Variants in HARS2 observed in about 807,000 individuals in gnomAD.
HARS2 encodes histidyl-tRNA synthetase 2, mitochondrial.
A neutral mutation model predicts 62.4 loss-of-function variants in HARS2; 40 were observed. The observed-to-expected ratio is 0.64, with a 90% CI of 0.50 to 0.83. HARS2 has a LOEUF of 0.83. HARS2 is among the 40% of genes least tolerant of loss of function. The pLI, the probability that HARS2 is intolerant of heterozygous loss-of-function variation, is 0.00. For missense variants in HARS2, 569 were observed against 626.4 expected, an observed-to-expected ratio of 0.91 and a Z score of 0.98; for synonymous variants, 228 against 227.0, an observed-to-expected ratio of 1.00 and a Z score of -0.04.
Position 140,697,560 on chromosome 5 carries a change from T to C in HARS2, c.1198-9T>C. ...TTTTTATTAGTTTTACTTTCTTCTC[T>C]CTTATTAGACCAAAGGTGAGAAGGT... On this transcript the variant is annotated splice_polypyrimidine_tract_variant and intron_variant, in intron 10 of 12. Coordinates refer to ENST00000230771, the MANE Select transcript of HARS2 (RefSeq NM_012208.4). The C allele has an allele frequency of 6.2e-7, 1 of 1,607,536 alleles. No individual in the cohort carries two copies. Among genetic ancestry groups the C allele is most frequent in the Non-Finnish European group, 8.5e-7 (1 of 1,173,972 alleles).
At position 140,697,959 on chromosome 5, in the gene HARS2, A is replaced by G; in HGVS notation, c.1342A>G (p.Lys448Glu). ...AGAGATGCTATACAAGAACAACCCC[A>G]AACTATTAACCCAGCTGCACTATTG... ...KAEMLYKNNP[K>E]LLTQLHYCES... Residue 448 changes from lysine (K) to glutamate (E), a missense_variant, in exon 12 of 13, where the codon AAA becomes GAA. By Grantham distance (56) the Lys-to-Glu change is moderately conservative (BLOSUM62 1). Coordinates refer to ENST00000230771, the MANE Select transcript of HARS2 (RefSeq NM_012208.4). 6.2e-7 allele frequency: 1 copy of G among 1,614,054 alleles called. No homozygotes were observed. The highest frequency in any genetic ancestry group is 1.3e-5 in the African/African-American group (1 of 75,052).
chr5:140,698,136 G>A, intron 12 of HARS2, 58 bp downstream of exon 12: 1 of 1,504,062 alleles, frequency 6.6e-7, no homozygotes. Context: ...CCCAGATTCT[G>A]TAAGAAATAT....
chr5:140,694,343 A>C lies in HARS2; in HGVS notation c.399+63A>C, dbSNP rs1052487955. On this transcript the variant is annotated intron_variant, in intron 4 of 12. Transcript: ENST00000230771. ...CCAAATCCAGCGGGCTTTCTCTGACAAAAGTGGAGAACGTGACTTTGGGAT... is the reference window on the plus strand; with the variant it reads ...CCAAATCCAGCGGGCTTTCTCTGACCAAAGTGGAGAACGTGACTTTGGGAT... The C allele has an allele frequency of 2.7e-6, 3 of 1,105,670 alleles. No individual in the cohort carries two copies. The Admixed American group carries it at 5.1e-5, about 19-fold the overall frequency. The allele number at this position is 1,105,670 out of a possible 1,614,324, so 68.5% of individuals were successfully genotyped here.
chr5:140,696,906 C>T, intron 8 of HARS2, 37 bp from the exon 9 acceptor site: 1 of 1,573,688 alleles, frequency 6.4e-7, no homozygotes. Context: ...GAATGAAACA[C>T]ATGTGAGTGA....
rs1369074777 is a variant in HARS2, at chr5:140,691,503, C to T, written c.-146C>T. On this transcript the variant is annotated 5_prime_UTR_variant, in exon 1 of 13. Coordinates refer to ENST00000230771, the MANE Select transcript of HARS2 (RefSeq NM_012208.4). ...CTTGGGAGGATCCCACCTCAGCCTT[C>T]GTGACTAGTGAGGTGCGCAAACGCC... is the stretch of plus-strand genomic sequence containing the variant. 2 of 735,520 alleles carry T rather than the reference C, an allele frequency of 2.7e-6. No homozygotes were observed. The highest frequency in any genetic ancestry group is 3.7e-4 in the Middle Eastern group (1 of 2,736). 45.6% of individuals were successfully genotyped at this position (735,520 alleles called of 1,614,324 possible).
At chr5:140,692,645 C>A in intron 1 of HARS2, among the ~76,000 whole-genome samples, 1 of 152,178 alleles carries the variant, frequency 6.6e-6, no homozygotes, top group East Asian at 1.9e-4. Flanking sequence ...GTAATCCCAT[C>A]ACTTTGGGAG....
Position 140,691,477 on chromosome 5 carries a change from A to G in HARS2, c.-172A>G. 1 of 711,646 alleles carries G rather than the reference A, an allele frequency of 1.4e-6. No individual in the cohort carries two copies. The highest frequency in any genetic ancestry group is 1.8e-5 in the African/African-American group (1 of 57,050). The allele number at this position is 711,646 out of a possible 1,614,324, so 44.1% of individuals were successfully genotyped here. ...AGTGCCGAAGCTGGCTACTAAGGGAACTTGGGAGGATCCCACCTCAGCCTT... is the reference window on the plus strand; with the variant it reads ...AGTGCCGAAGCTGGCTACTAAGGGAGCTTGGGAGGATCCCACCTCAGCCTT... On this transcript the variant is annotated 5_prime_UTR_variant, in exon 1 of 13. Coordinates refer to ENST00000230771, the MANE Select transcript of HARS2 (RefSeq NM_012208.4).
chr5:140,696,871 G>A (rs1382206720), intron 8 of HARS2, 72 bp from the exon 9 acceptor site: 1 of 1,208,184 alleles, frequency 8.3e-7, no homozygotes, highest in South Asian at 1.2e-5. Context: ...AGGAAGACTA[G>A]CTAGAGCACA....
In HARS2 at chr5:140,691,555, GC is replaced by G. The variant is rs1405870864; in HGVS notation, c.-92del. 6.9e-6 allele frequency: 6 copies of G among 873,712 alleles called. No individual in the cohort carries two copies. The Admixed American group carries it at 8.0e-5, about 12-fold the overall frequency. The allele number at this position is 873,712 out of a possible 1,614,324, so 54.1% of individuals were successfully genotyped here. On this transcript the variant is annotated 5_prime_UTR_variant, in exon 1 of 13. Coordinates refer to ENST00000230771, the MANE Select transcript of HARS2 (RefSeq NM_012208.4). ...GAGTTTTCCCTGGTGCGCGGGTTCC[GC>G]CTTTGCAGTGCCCTCCACCCTTCCT...
rs746757469 is a variant in HARS2 at position 140,697,300 on chromosome 5, A to G, written c.1091A>G (p.Tyr364Cys). 2.1e-5 allele frequency: 34 copies of G among 1,613,998 alleles called. No homozygotes were observed. The highest frequency in any genetic ancestry group is 1.6e-4 in the Middle Eastern group (1 of 6,082). ...NVGSVAAGGR[Y>C]DGLVGMFDPK... ...GGCAGTGTGGCTGCTGGTGGGCGCT[A>G]TGATGGGCTGGTGGGCATGTTTGAC... Residue 364 changes from tyrosine to cysteine, a missense_variant, in exon 10 of 13, where the codon TAT (tyrosine) becomes TGT (cysteine). Tyr to Cys is a radical substitution (Grantham distance 194). Coordinates refer to ENST00000230771, the MANE Select transcript of HARS2 (RefSeq NM_012208.4).
In HARS2 at chr5:140,698,695, G is replaced by A. The variant is rs991600502; in HGVS notation, c.*143G>A. On this transcript the variant is annotated 3_prime_UTR_variant, in exon 13 of 13. Coordinates refer to ENST00000230771, the MANE Select transcript of HARS2 (RefSeq NM_012208.4). ...TCTGCCTCCTCCATTCTTCCTGGGT[G>A]CAGAACTGTAGAAGACCCTGAGGAC... is the stretch of plus-strand genomic sequence containing the variant. 6 of 786,340 alleles carry A rather than the reference G, an allele frequency of 7.6e-6. No individual in the cohort carries two copies. In the African/African-American group the frequency reaches 8.5e-5, roughly 11 times the overall value. The allele number at this position is 786,340 out of a possible 1,614,324, so 48.7% of individuals were successfully genotyped here. A position where few individuals can be genotyped will look rare whatever the true frequency, so the allele number is the denominator to read the frequency against.
intron 1 of HARS2, 77 bp downstream of exon 1, chr5:140,691,833 TC>T (rs1369688138): frequency 3.0e-6 from 3 of 1,004,628 alleles, no homozygotes; most frequent in African/African-American, 1.6e-5. Flanking sequence ...CGGCCTGTAT[TC>T]CAGTAGTGTT....
rs900699517 is a variant in HARS2 at position 140,696,760 on chromosome 5, C to T, written c.826+146C>T. ...TTAATTTCTCTTTTACTTATTGTAA[C>T]GACTTTGTGTCTTCAGATGGCAAAG... On this transcript the variant is annotated intron_variant, in intron 8 of 12. Coordinates refer to ENST00000230771, the MANE Select transcript of HARS2 (RefSeq NM_012208.4). The T allele has an allele frequency of 1.3e-4, 117 of 926,098 alleles. No individual in the cohort carries two copies. In the Admixed American group the frequency reaches 1.4e-3, roughly 11 times the overall value. 57.4% of individuals were successfully genotyped at this position (926,098 alleles called of 1,614,324 possible).
chr5:140,691,877 C>T (rs771100194), intron 1 of HARS2, 121 bp downstream of exon 1: 4 of 733,458 alleles, frequency 5.5e-6, no homozygotes, highest in African/African-American at 1.7e-5. Context: ...CCACTATGTA[C>T]TGACACTGAA....
At chr5:140,694,527 A>T (rs1272787169) in intron 4 of HARS2, among the ~76,000 whole-genome samples, 1 of 152,224 alleles carries the variant, frequency 6.6e-6, no homozygotes, top group Non-Finnish European at 1.5e-5. Context: ...AGAGATTCTT[A>T]GCTAATTCTG....
intron 1 of HARS2, chr5:140,692,096 A>C (rs1011315923): frequency 3.2e-6 from 1 of 316,006 alleles, no homozygotes; most frequent in Admixed American, 4.6e-5. Flanking sequence ...TAAGCGAAAT[A>C]TATGAATATT....
Position 140,691,627 on chromosome 5 carries a change from A to C in HARS2, c.-22A>C. Reference sequence around the variant, plus strand: ...CCCAGGCCTTTTGTTCCTGTCCCGGAAAGCCGGCGTCCTGCCGCGCGATGC... The same window carrying C: ...CCCAGGCCTTTTGTTCCTGTCCCGGCAAGCCGGCGTCCTGCCGCGCGATGC... On this transcript the variant is annotated 5_prime_UTR_variant, in exon 1 of 13. Transcript: ENST00000230771. 1 of 1,494,468 alleles carries C rather than the reference A, an allele frequency of 6.7e-7. No homozygotes were observed. 92.6% of individuals were successfully genotyped at this position (1,494,468 alleles called of 1,614,324 possible). A position where few individuals can be genotyped will look rare whatever the true frequency, so the allele number is the denominator to read the frequency against.
chr5:140,691,926 C>T (rs979511289), intron 1 of HARS2, 170 bp downstream of exon 1: 2 of 628,904 alleles, frequency 3.2e-6, no homozygotes, highest in African/African-American at 3.7e-5. Context: ...ATCCTTGGAG[C>T]AATCTTGAGA....
chr5:140,691,742 C>T lies in HARS2; in HGVS notation c.94C>T (p.Arg32Cys). 3 of 1,551,012 alleles carry T rather than the reference C, an allele frequency of 1.9e-6. No individual in the cohort carries two copies. The highest frequency in any genetic ancestry group is 2.6e-6 in the Non-Finnish European group (3 of 1,146,536). The change falls in exon 1 of 13, where the codon CGT (arginine) becomes TGT (cysteine). Residue 32 changes from arginine to cysteine, a missense_variant. Physicochemically the swap from Arg to Cys is radical, Grantham distance 180. Transcript: ENST00000230771. ...CTGCGCTTCGTGCACCGGGGCGGTC[C>T]GTTGCCAAAGCCAGGTGAGCGAGAC... The part of the protein sequence containing the change: ...PPCASCTGAV[R>C]CQSQVAEAVL...
Sources: allele counts gnomAD v4.1 joint callset (sites outside exome capture counted in the v4.1 genomes callset), GRCh38; gene constraint gnomAD v4.1.1; transcripts MANE v1.5; gene names NCBI Gene and HGNC (gene_info 2026-07-23, HGNC 2026-07-21).